GAB3: variants seen among roughly 807,000 people sequenced by gnomAD.
GAB3 encodes GRB2 associated binding protein 3.
Under a neutral mutation model 40.4 loss-of-function variants are expected in GAB3, and 12 were observed. The observed-to-expected ratio is 0.30, with a 90% CI of 0.19 to 0.48. The LOEUF is 0.48. Ranked by LOEUF, GAB3 falls within the 20% of genes least tolerant of loss-of-function variation. GAB3 has a pLI of 0.99. For synonymous variants in GAB3, 154 were observed against 176.7 expected, an observed-to-expected ratio of 0.87 and a Z score of 1.02; for missense variants, 381 against 461.9, an observed-to-expected ratio of 0.82 and a Z score of 1.61.
At position 154,701,303 on chromosome X, in the gene GAB3, G is replaced by A. The variant is rs1006724190; in HGVS notation, c.1070-1244C>T. 8.0e-5 allele frequency among the ~76,000 whole-genome samples: 9 copies of A among 112,376 alleles called. No homozygotes were observed. The Admixed American group carries it at 8.5e-4, about 11-fold the overall frequency. ...CTCATTGTGGGACTTGCATGTGTGAGCACAAGCCCTTAACTCCCTTTCCAC... is the reference window on the plus strand; with the variant it reads ...CTCATTGTGGGACTTGCATGTGTGAACACAAGCCCTTAACTCCCTTTCCAC... On this transcript the variant is annotated intron_variant, in intron 4 of 9. Transcript: ENST00000424127.
chrX:154,734,635 C>T (rs1186106221), intron 1 of GAB3, among the ~76,000 whole-genome samples: 1 of 112,121 alleles, frequency 8.9e-6, no homozygotes, highest in Non-Finnish European at 1.9e-5. Context: ...TTTGATGTAG[C>T]ACACTGCAGG....
In GAB3 at chrX:154,713,501, A is replaced by G. The variant is rs1044281639; in HGVS notation, c.377-75T>C. The stretch of plus-strand genomic sequence containing the variant: ...ACTCAAAATTTCTCCAACAGCATCA[A>G]AGAAGCCAAACAGAAGATGCAAATC... On this transcript the variant is annotated intron_variant, in intron 2 of 9. Coordinates refer to ENST00000424127, the MANE Select transcript of GAB3 (RefSeq NM_001081573.3). 13 of 810,449 alleles carry G rather than the reference A, an allele frequency of 1.6e-5. No individual in the cohort carries two copies. In the African/African-American group the frequency reaches 1.9e-4, roughly 12 times the overall value. 66.8% of individuals were successfully genotyped at this position (810,449 alleles called of 1,213,427 possible).
intron 1 of GAB3, among the ~76,000 whole-genome samples, chrX:154,741,675 CAA>C (rs1206111123): frequency 1.1e-4 from 3 of 26,489 alleles, no homozygotes; most frequent in African/African-American, 2.7e-4. Flanking sequence ...GACTCCATCT[CAA>C]AAAAAAAAAA....
chrX:154,699,163 C>A, intron 6 of GAB3, 131 bp downstream of exon 6: 1 of 534,422 alleles, frequency 1.9e-6, no homozygotes, highest in Non-Finnish European at 3.2e-6. Flanking sequence ...CCAGCCACTT[C>A]TTTCCTGACC....
intron 1 of GAB3, among the ~76,000 whole-genome samples, chrX:154,743,333 C>T (rs186395898): frequency 3.6e-5 from 4 of 111,298 alleles, no homozygotes; most frequent in Admixed American, 1.9e-4. Context: ...GCCAGCAGAC[C>T]TAAACTACAT....
At chrX:154,733,085 A>G (rs2071313383) in intron 1 of GAB3, among the ~76,000 whole-genome samples, 1 of 112,317 alleles carries the variant, frequency 8.9e-6, no homozygotes, top group Non-Finnish European at 1.9e-5. Context: ...AGTTCCAGAC[A>G]AACTCTTGGC....
At chrX:154,697,502 A>G (rs1407929247) in intron 6 of GAB3, among the ~76,000 whole-genome samples, 2 of 112,166 alleles carry the variant, frequency 1.8e-5, no homozygotes, top group African/African-American at 6.5e-5. Context: ...TGAATAAAGC[A>G]GATGAAAGTC....
chrX:154,679,067 G>A (rs1557246219), intron 9 of GAB3: 1 of 315,394 alleles, frequency 3.2e-6, no homozygotes, highest in East Asian at 1.0e-4. Context: ...TGAGATGGGA[G>A]GATAACTTTA....
intron 9 of GAB3, 75 bp from the exon 10 acceptor site, chrX:154,678,369 A>G: frequency 1.8e-6 from 1 of 565,582 alleles, no homozygotes; most frequent in Non-Finnish European, 3.0e-6. Context: ...CTTTTGTATT[A>G]AATTGTTAAA....
chrX:154,739,374 A>C (rs1222042370), intron 1 of GAB3, among the ~76,000 whole-genome samples: 1 of 112,207 alleles, frequency 8.9e-6, no homozygotes, highest in East Asian at 2.8e-4. Flanking sequence ...GTACATACAC[A>C]CAATGGAATA....
intron 4 of GAB3, among the ~76,000 whole-genome samples, chrX:154,707,695 C>T (rs1287434391): frequency 9.0e-6 from 1 of 111,563 alleles, no homozygotes; most frequent in Non-Finnish European, 1.9e-5. Context: ...TCCTGGACTT[C>T]TTATCCCATG....
At chrX:154,711,301 T>C (rs2070941176) in intron 4 of GAB3, among the ~76,000 whole-genome samples, 1 of 111,841 alleles carries the variant, frequency 8.9e-6, no homozygotes. Context: ...TTTGTGTCTG[T>C]CTGTGTATCT....
chrX:154,751,566 T>G, upstream of GAB3: 1 of 670,296 alleles, frequency 1.5e-6, no homozygotes, highest in Non-Finnish European at 1.8e-6. Context: ...TCCACTTGAT[T>G]GCTTGCACAG....
At chrX:154,711,226 GGAGA>G (rs1484065276) in intron 4 of GAB3, among the ~76,000 whole-genome samples, 1 of 111,893 alleles carries the variant, frequency 8.9e-6, no homozygotes, top group African/African-American at 3.3e-5. Context: ...ATATTTCAAT[GGAGA>G]GAGAAAGAAA....
At chrX:154,735,662 T>C (rs1387776344) in intron 1 of GAB3, among the ~76,000 whole-genome samples, 3 of 112,381 alleles carry the variant, frequency 2.7e-5, no homozygotes, top group African/African-American at 9.7e-5. Flanking sequence ...GCCCCTCACC[T>C]GGTCTCCCTG....
upstream of GAB3, chrX:154,751,497 T>C (rs1219729397): frequency 2.7e-6 from 2 of 750,010 alleles, no homozygotes; most frequent in East Asian, 3.1e-4. Flanking sequence ...ACCACCTGCA[T>C]CTGCCATGTG....
At chrX:154,700,143 C>G in intron 4 of GAB3, 84 bp from the exon 5 acceptor site, 1 of 755,907 alleles carries the variant, frequency 1.3e-6, no homozygotes, top group East Asian at 3.2e-5. Flanking sequence ...AAGCATAACA[C>G]AACAGTTGCT....
At chrX:154,678,423 T>C (rs1229046213) in intron 9 of GAB3, 129 bp from the exon 10 acceptor site, 1 of 448,573 alleles carries the variant, frequency 2.2e-6, no homozygotes, top group Non-Finnish European at 3.9e-6. Context: ...GTACTTTGTA[T>C]GTGTGCTTGT....
At chrX:154,711,073 G>C (rs976646494) in intron 4 of GAB3, among the ~76,000 whole-genome samples, 9 of 111,887 alleles carry the variant, frequency 8.0e-5, no homozygotes, top group Admixed American at 5.7e-4. Context: ...CATCATTAGG[G>C]ACATTAGGGA....
Sources: allele counts gnomAD v4.1 joint callset (sites outside exome capture counted in the v4.1 genomes callset), GRCh38; gene constraint gnomAD v4.1.1; transcripts MANE v1.5; gene names NCBI Gene and HGNC (gene_info 2026-07-23, HGNC 2026-07-21).